The following GSK3B variants were observed in gnomAD, a reference collection of about 807,000 sequenced individuals.
GSK3B encodes glycogen synthase kinase-3 beta.
GSK3B carries 15 observed loss-of-function variants against 56.4 expected under a neutral mutation model. The observed-to-expected ratio is 0.27, with a 90% CI of 0.18 to 0.41. The LOEUF (loss-of-function observed/expected upper bound fraction) is 0.41, where lower values mean the gene tolerates loss of function less well. Ranked by LOEUF, GSK3B falls within the 10% of genes least tolerant of loss-of-function variation. The probability of loss-of-function intolerance (pLI) is 1.00; values close to 1 mark genes in which losing one functional copy is unlikely to be tolerated. For missense variants in GSK3B, 300 were observed against 513.4 expected (o/e 0.58, Z 4.02); for synonymous variants, 181 against 188.9 (o/e 0.96, Z 0.34).
intron 2 of GSK3B, among the ~76,000 whole-genome samples, chr3:119,972,140 G>A (rs2057373485): frequency 1.3e-5 from 2 of 152,074 alleles, no homozygotes; most frequent in African/African-American, 4.8e-5. Context: ...CAATTTAGGT[G>A]TCTATATAGA....
chr3:119,827,945 C>T (rs556992485), intron 10 of GSK3B, among the ~76,000 whole-genome samples: 1 of 151,938 alleles, frequency 6.6e-6, no homozygotes, highest in African/African-American at 2.4e-5. Context: ...TTTAATTGTA[C>T]ATTTTAAAAT....
At chr3:119,917,771 A>G (rs555642578) in intron 4 of GSK3B, among the ~76,000 whole-genome samples, 2 of 152,144 alleles carry the variant, frequency 1.3e-5, no homozygotes, top group South Asian at 4.1e-4. Context: ...ATTGTTTTGA[A>G]AAGTTTATCT....
intron 2 of GSK3B, among the ~76,000 whole-genome samples, chr3:119,971,397 C>T (rs1188797440): frequency 2.6e-5 from 4 of 152,036 alleles, no homozygotes; most frequent in African/African-American, 7.2e-5. Context: ...ATACCATAAA[C>T]ATTTACTTAT....
chr3:120,052,297 T>C (rs1007579751), intron 1 of GSK3B, among the ~76,000 whole-genome samples: 1 of 152,238 alleles, frequency 6.6e-6, no homozygotes, highest in African/African-American at 2.4e-5. Context: ...TCTCTGTCTT[T>C]TAAGAGCACA....
At chr3:120,068,429 G>A (rs112434478) in intron 1 of GSK3B, among the ~76,000 whole-genome samples, 12,868 of 149,728 alleles carry the variant, frequency 0.086, 687 homozygotes, top group Non-Finnish European at 0.12. Context: ...CGCCAGGAGC[G>A]GTGGCTCATG....
At chr3:119,979,323 C>G (rs948323973) in intron 2 of GSK3B, among the ~76,000 whole-genome samples, 1 of 152,002 alleles carries the variant, frequency 6.6e-6, no homozygotes, top group Admixed American at 6.6e-5. Context: ...TATTAAAAAC[C>G]CTCTCCGGGT....
At chr3:120,047,404 C>T (rs549676887) in intron 1 of GSK3B, among the ~76,000 whole-genome samples, 88 of 152,208 alleles carry the variant, frequency 5.8e-4, no homozygotes, top group African/African-American at 2.0e-3. Flanking sequence ...TTCTCATATT[C>T]CCTAACATTC....
At chr3:120,009,406 C>T (rs369222184) in intron 1 of GSK3B, among the ~76,000 whole-genome samples, 2 of 152,236 alleles carry the variant, frequency 1.3e-5, no homozygotes, top group East Asian at 3.9e-4. Context: ...CGGCACTATT[C>T]ACAATAGCAA....
At chr3:120,072,903 TG>T (rs1398576260) in intron 1 of GSK3B, among the ~76,000 whole-genome samples, 2 of 152,166 alleles carry the variant, frequency 1.3e-5, no homozygotes, top group Non-Finnish European at 2.9e-5. Context: ...AACGCAAAAT[TG>T]GTGCCTTCAA....
At chr3:120,086,598 C>G (rs2058464964) in intron 1 of GSK3B, among the ~76,000 whole-genome samples, 2 of 152,028 alleles carry the variant, frequency 1.3e-5, no homozygotes, top group African/African-American at 4.8e-5. Flanking sequence ...AGTTCAAGAC[C>G]AGCCTGGGCA....
chr3:119,863,492 A>T lies in GSK3B; in HGVS notation c.1023T>A (p.Asp341Glu). The change falls in exon 9 of 11, where the codon GAT becomes GAA. Residue 341 changes from aspartate to glutamate, a missense_variant. This residue lies in a region of GSK3B where 38 missense variants were observed against 58.3 expected (regional missense o/e 0.65). Coordinates refer to ENST00000264235, the MANE Select transcript of GSK3B (RefSeq NM_001146156.2). The stretch of plus-strand genomic sequence containing the variant: ...GTTTGACATTTGGGTCCCGTAATTC[A>T]TCAAAAAATGAATGTGCACAAGCTT... The part of the protein sequence containing the change: ...PLEACAHSFF[D>E]ELRDPNVKLP... 2 of 1,614,050 alleles carry T rather than the reference A, an allele frequency of 1.2e-6. No individual in the cohort carries two copies. The highest frequency in any genetic ancestry group is 1.7e-6 in the Non-Finnish European group (2 of 1,179,898).
chr3:119,896,962 GA>G (rs1376931600), intron 7 of GSK3B, among the ~76,000 whole-genome samples: 3 of 152,118 alleles, frequency 2.0e-5, no homozygotes, highest in Non-Finnish European at 4.4e-5. Flanking sequence ...TATATCCCAG[GA>G]AAAGTAATCA....
intron 3 of GSK3B, among the ~76,000 whole-genome samples, chr3:119,929,867 C>T (rs964887719): frequency 1.6e-4 from 24 of 151,076 alleles, no homozygotes; most frequent in African/African-American, 5.4e-4. Flanking sequence ...CGCCATTGCA[C>T]CCCAGTCTGG....
At chr3:119,926,914 C>G (rs1016045413) in intron 3 of GSK3B, among the ~76,000 whole-genome samples, 2 of 152,190 alleles carry the variant, frequency 1.3e-5, no homozygotes, top group African/African-American at 4.8e-5. Context: ...ATTCCTCCAC[C>G]TTCACATTCC....
intron 2 of GSK3B, among the ~76,000 whole-genome samples, chr3:119,993,723 T>A (rs1286952344): frequency 6.6e-6 from 1 of 152,224 alleles, no homozygotes; most frequent in Non-Finnish European, 1.5e-5. Context: ...CTCTGTGATG[T>A]TGCTCTGCAA....
intron 2 of GSK3B, among the ~76,000 whole-genome samples, chr3:119,961,988 C>T (rs1166576453): frequency 6.6e-6 from 1 of 152,188 alleles, no homozygotes; most frequent in African/African-American, 2.4e-5. Flanking sequence ...AGATGAGGTG[C>T]ATTAAATGTA....
intron 1 of GSK3B, among the ~76,000 whole-genome samples, chr3:120,006,447 T>C (rs1435034919): frequency 6.6e-6 from 1 of 152,174 alleles, no homozygotes; most frequent in African/African-American, 2.4e-5. Flanking sequence ...GCACCCCAAA[T>C]AAACAGAATA....
intron 2 of GSK3B, among the ~76,000 whole-genome samples, chr3:119,995,752 T>G (rs1280406831): frequency 6.7e-6 from 1 of 149,986 alleles, no homozygotes; most frequent in Non-Finnish European, 1.5e-5. Context: ...TTTTTTTTTT[T>G]TTTGAGACAG....
chr3:119,993,746 A>C (rs1022109404), intron 2 of GSK3B, among the ~76,000 whole-genome samples: 3 of 152,180 alleles, frequency 2.0e-5, no homozygotes, highest in African/African-American at 7.2e-5. Flanking sequence ...AAAAGTATTA[A>C]TTTTTAATAG....
Sources: gnomAD v4.1 joint callset for allele counts (sites outside exome capture counted in the v4.1 genomes callset) on GRCh38, gnomAD v4.1.1 for gene constraint, gnomAD v4.1.1 regional missense constraint, MANE v1.5 for transcripts, NCBI Gene and HGNC (gene_info 2026-07-23, HGNC 2026-07-21) for gene names.